Variants in TRPS1 observed in about 807,000 individuals in gnomAD.
The protein encoded by TRPS1 is transcriptional repressor GATA binding 1.
In TRPS1, 6 loss-of-function variants were observed where a neutral mutation model predicts 101.2. That is an observed-to-expected ratio of 0.06 (90% CI 0.03 to 0.12). The LOEUF (loss-of-function observed/expected upper bound fraction) is 0.12, where lower values mean the gene tolerates loss of function less well. Ranked by LOEUF, TRPS1 falls within the 10% of genes least tolerant of loss-of-function variation. The pLI, the probability that TRPS1 is intolerant of heterozygous loss-of-function variation, is 1.00. For missense variants in TRPS1, 1,363 were observed against 1,567.0 expected, an observed-to-expected ratio of 0.87 and a Z score of 2.20; for synonymous variants, 578 against 589.8, an observed-to-expected ratio of 0.98 and a Z score of 0.29.
At chr8:115,496,246 T>C (rs935330437) in intron 5 of TRPS1, among the ~76,000 whole-genome samples, 2 of 152,198 alleles carry the variant, frequency 1.3e-5, no homozygotes, top group African/African-American at 4.8e-5. Context: ...CGGTACTAAT[T>C]GGCAGAAACA....
chr8:115,467,186 C>CA (rs374547230), intron 5 of TRPS1, among the ~76,000 whole-genome samples: 56 of 145,122 alleles, frequency 3.9e-4, no homozygotes, highest in South Asian at 1.7e-3. Context: ...AATTGCGAAC[C>CA]AAAAAAAAAA....
intron 5 of TRPS1, among the ~76,000 whole-genome samples, chr8:115,529,149 T>G (rs541396548): frequency 6.6e-6 from 1 of 152,116 alleles, no homozygotes; most frequent in Non-Finnish European, 1.5e-5. Context: ...AAATTGGCAT[T>G]TTGGCTGATT....
At chr8:115,468,731 T>G (rs1261500087) in intron 5 of TRPS1, among the ~76,000 whole-genome samples, 1 of 152,210 alleles carries the variant, frequency 6.6e-6, no homozygotes, top group Non-Finnish European at 1.5e-5. Context: ...ACTGATGTTT[T>G]CTCCAATCCT....
intron 5 of TRPS1, among the ~76,000 whole-genome samples, chr8:115,535,417 T>A (rs946108337): frequency 1.5e-5 from 2 of 134,052 alleles, no homozygotes; most frequent in African/African-American, 7.4e-5. Flanking sequence ...GCATATATAG[T>A]GCATATATAT....
chr8:115,627,481 A>C (rs1057086579), intron 1 of TRPS1, among the ~76,000 whole-genome samples: 2 of 151,828 alleles, frequency 1.3e-5, no homozygotes, highest in African/African-American at 4.8e-5. Context: ...CAAAGAGCCA[A>C]GCACAGCACT....
At chr8:115,571,306 G>A (rs1007506928) in intron 5 of TRPS1, among the ~76,000 whole-genome samples, 1 of 152,118 alleles carries the variant, frequency 6.6e-6, no homozygotes, top group African/African-American at 2.4e-5. Flanking sequence ...ATCACACAAC[G>A]AAGTGTGGCT....
chr8:115,439,259 T>A (rs1259307426), intron 5 of TRPS1, among the ~76,000 whole-genome samples: 1 of 152,198 alleles, frequency 6.6e-6, no homozygotes, highest in African/African-American at 2.4e-5. Flanking sequence ...TTTACAGTGA[T>A]GCTAAAAGGA....
intron 3 of TRPS1, among the ~76,000 whole-genome samples, chr8:115,615,629 T>G (rs1818261176): frequency 6.6e-6 from 1 of 152,044 alleles, no homozygotes; most frequent in South Asian, 2.1e-4. Context: ...GGCGTGGTGG[T>G]GCACACCTGT....
chr8:115,536,397 C>G (rs1240728800), intron 5 of TRPS1, among the ~76,000 whole-genome samples: 1 of 151,788 alleles, frequency 6.6e-6, no homozygotes, highest in African/African-American at 2.4e-5. Flanking sequence ...GTGGCGGGCG[C>G]CTGTAGTCCC....
chr8:115,422,706 C>T lies in TRPS1; in HGVS notation c.2701-4254G>A, dbSNP rs542586102. On this transcript the variant is annotated intron_variant, in intron 5 of 6. Coordinates refer to ENST00000395715, the MANE Select transcript of TRPS1 (RefSeq NM_014112.5). ...AGAAGGAGCTGATGCCAGGTACTTG[C>T]TAAGTGCTGGGGGCAGCTCTCTTTT... Among the ~76,000 whole-genome samples the T allele has an allele frequency of 2.6e-5, 4 of 152,286 alleles. No individual in the cohort carries two copies. The South Asian group carries it at 8.3e-4, about 32-fold the overall frequency.
intron 5 of TRPS1, among the ~76,000 whole-genome samples, chr8:115,552,897 T>C (rs1201343848): frequency 6.6e-6 from 1 of 152,010 alleles, no homozygotes; most frequent in Non-Finnish European, 1.5e-5. Flanking sequence ...ATATCCACAG[T>C]GAAAGGTTCA....
intron 5 of TRPS1, among the ~76,000 whole-genome samples, chr8:115,420,611 C>T (rs1435385515): frequency 1.3e-5 from 2 of 152,194 alleles, no homozygotes; most frequent in African/African-American, 2.4e-5. Flanking sequence ...ATCCTGATTT[C>T]AGTGAGTGTT....
At chr8:115,660,562 A>G (rs1457129658) in intron 1 of TRPS1, among the ~76,000 whole-genome samples, 1 of 151,910 alleles carries the variant, frequency 6.6e-6, no homozygotes, top group East Asian at 1.9e-4. Context: ...ATACAAAGTA[A>G]TTAACAGATA....
rs886062602 is a variant in TRPS1, at chr8:115,409,261, G to GGAAAAA, written c.*4761_*4762insTTTTTC. 4.0e-4 allele frequency: 41 copies of GGAAAAA among 102,246 alleles called. 1 individual carries two copies. Among genetic ancestry groups the GGAAAAA allele is most frequent in the African/African-American group, 1.5e-3 (37 of 24,748 alleles). The allele number at this position is 102,246 out of a possible 1,614,324, so 6.3% of individuals were successfully genotyped here. A position where few individuals can be genotyped will look rare whatever the true frequency, so the allele number is the denominator to read the frequency against. On this transcript the variant is annotated 3_prime_UTR_variant, in exon 7 of 7. Coordinates refer to ENST00000395715, the MANE Select transcript of TRPS1 (RefSeq NM_014112.5). ...TGATATGCTGCAGTTTATATGTTGG[G>GGAAAAA]AAAAAAAAAAAAAAAAAAAACAGGG...
chr8:115,543,503 T>C lies in TRPS1; in HGVS notation c.2700+43498A>G, dbSNP rs189444937. On this transcript the variant is annotated intron_variant, in intron 5 of 6. Coordinates refer to ENST00000395715, the MANE Select transcript of TRPS1 (RefSeq NM_014112.5). ...AGTGTTTATTTTTTGTTATTAGGCCTTTGGTTCTAAGATATGCAAGTGAGC... is the reference window on the plus strand; with the variant it reads ...AGTGTTTATTTTTTGTTATTAGGCCCTTGGTTCTAAGATATGCAAGTGAGC... 6.0e-4 allele frequency among the ~76,000 whole-genome samples: 92 copies of C among 152,284 alleles called. 1 individual carries two copies. The highest frequency in any genetic ancestry group is 2.2e-3 in the African/African-American group (90 of 41,574).
intron 5 of TRPS1, among the ~76,000 whole-genome samples, chr8:115,580,376 G>T (rs1817417202): frequency 6.6e-6 from 1 of 151,620 alleles, no homozygotes; most frequent in Non-Finnish European, 1.5e-5. Flanking sequence ...CTGTAAAATG[G>T]ACCCATCAGA....
chr8:115,477,087 A>T (rs1814625594), intron 5 of TRPS1, among the ~76,000 whole-genome samples: 1 of 152,202 alleles, frequency 6.6e-6, no homozygotes, highest in African/African-American at 2.4e-5. Flanking sequence ...CCTATCATTT[A>T]AAAAAGTGGG....
At chr8:115,469,558 G>A (rs1814411891) in intron 5 of TRPS1, among the ~76,000 whole-genome samples, 1 of 151,984 alleles carries the variant, frequency 6.6e-6, no homozygotes, top group African/African-American at 2.4e-5. Context: ...GAGTGCAGTG[G>A]CGTGATCCCA....
At chr8:115,615,390 C>A (rs1452635094) in intron 3 of TRPS1, among the ~76,000 whole-genome samples, 1 of 152,198 alleles carries the variant, frequency 6.6e-6, no homozygotes, top group Non-Finnish European at 1.5e-5. Context: ...GCGCATTACA[C>A]CCTAATGAAA....
Sources: allele counts gnomAD v4.1 joint callset (sites outside exome capture counted in the v4.1 genomes callset), GRCh38; gene constraint gnomAD v4.1.1; transcripts MANE v1.5; gene names NCBI Gene and HGNC (gene_info 2026-07-23, HGNC 2026-07-21).